SESN1: variants seen among roughly 807,000 people sequenced by gnomAD.
The protein encoded by SESN1 is sestrin 1, also known as sestrin-1.
Under a neutral mutation model 59.3 loss-of-function variants are expected in SESN1, and 30 were observed. That is an observed-to-expected ratio of 0.51 (90% CI 0.38 to 0.69). The LOEUF (loss-of-function observed/expected upper bound fraction) is 0.69, where lower values mean the gene tolerates loss of function less well. SESN1 is among the 30% of genes least tolerant of loss of function. The probability of loss-of-function intolerance (pLI) is 0.00; values close to 1 mark genes in which losing one functional copy is unlikely to be tolerated. For missense variants in SESN1, 566 were observed against 673.0 expected (o/e 0.84, Z 1.76); for synonymous variants, 197 against 219.9 (o/e 0.90, Z 0.92).
intron 1 of SESN1, among the ~76,000 whole-genome samples, chr6:109,066,949 CCAT>C (rs1780838315): frequency 6.6e-6 from 1 of 152,202 alleles, no homozygotes; most frequent in African/African-American, 2.4e-5. Context: ...CAAAAAGCCA[CCAT>C]CATCTTATTA....
chr6:108,990,901 T>C (rs1465841505), intron 7 of SESN1, 66 bp from the exon 8 acceptor site: 3 of 1,344,930 alleles, frequency 2.2e-6, no homozygotes, highest in African/African-American at 1.5e-5. Flanking sequence ...TCTATAGCTC[T>C]GTAGCATGGT....
At chr6:109,077,688 C>T (rs1017035778) in intron 1 of SESN1, among the ~76,000 whole-genome samples, 3 of 152,170 alleles carry the variant, frequency 2.0e-5, no homozygotes, top group African/African-American at 7.2e-5. Context: ...TACTTCTTCT[C>T]AATGAGAATG....
intron 6 of SESN1, among the ~76,000 whole-genome samples, chr6:108,993,741 AT>A (rs1262463182): frequency 6.6e-6 from 1 of 151,974 alleles, no homozygotes; most frequent in Non-Finnish European, 1.5e-5. Flanking sequence ...AAATCATATA[AT>A]TTTTGTTGTT....
At chr6:109,080,805 C>T (rs1029837818) in intron 1 of SESN1, among the ~76,000 whole-genome samples, 1 of 152,120 alleles carries the variant, frequency 6.6e-6, no homozygotes, top group Non-Finnish European at 1.5e-5. Context: ...AATCCCAAAT[C>T]CCAAATGCTC....
intron 1 of SESN1, among the ~76,000 whole-genome samples, chr6:109,007,493 C>G (rs1166963765): frequency 3.3e-5 from 5 of 152,140 alleles, no homozygotes; most frequent in African/African-American, 9.7e-5. Flanking sequence ...ATTATCACAA[C>G]ATTCACAGTA....
chr6:109,078,844 G>GA (rs1243442896), intron 1 of SESN1, among the ~76,000 whole-genome samples: 3 of 151,220 alleles, frequency 2.0e-5, no homozygotes, highest in South Asian at 4.2e-4. Flanking sequence ...TGGGATTCAG[G>GA]AAAAAAAATA....
chr6:109,025,455 AG>A lies in SESN1; in HGVS notation c.280-23113del, dbSNP rs542756625. 6.7e-4 allele frequency among the ~76,000 whole-genome samples: 102 copies of A among 151,526 alleles called. 1 individual carries two copies. Among genetic ancestry groups the A allele is most frequent in the Non-Finnish European group, 1.2e-3 (84 of 67,972 alleles). ...CAATAATAAAAAGTACTATGCAAAA[AG>A]ATGCCATTAGTGAGGACTACAGGAA... On this transcript the variant is annotated intron_variant, in intron 1 of 9. Transcript: ENST00000436639.
intron 8 of SESN1, 69 bp downstream of exon 8, chr6:108,990,576 C>T (rs1016344102): frequency 1.9e-5 from 26 of 1,373,458 alleles, no homozygotes; most frequent in African/African-American, 1.2e-4. Context: ...TGTGCATGTG[C>T]GCTCCAAGCA....
At chr6:109,012,483 G>GCCTTATTTTT (rs1779875519) in intron 1 of SESN1, among the ~76,000 whole-genome samples, 1 of 152,146 alleles carries the variant, frequency 6.6e-6, no homozygotes, top group Non-Finnish European at 1.5e-5. Flanking sequence ...TGAAGAGCAA[G>GCCTTATTTTT]CTGATAATCT....
At chr6:108,990,860 G>A (rs1583257939) in intron 7 of SESN1, 25 bp from the exon 8 acceptor site, 1 of 1,588,054 alleles carries the variant, frequency 6.3e-7, no homozygotes, top group East Asian at 2.2e-5. Flanking sequence ...TAGAACAAAT[G>A]TGAATAAATG....
intron 5 of SESN1, among the ~76,000 whole-genome samples, chr6:108,996,265 A>G (rs1045567415): frequency 2.6e-5 from 4 of 152,230 alleles, no homozygotes; most frequent in Non-Finnish European, 5.9e-5. Context: ...AAACAGTTAT[A>G]CTGAAATGCC....
intron 1 of SESN1, among the ~76,000 whole-genome samples, chr6:109,023,412 T>C (rs1016481356): frequency 6.6e-6 from 1 of 152,224 alleles, no homozygotes. Context: ...CAGTTTACCA[T>C]GCTAACAGTG....
chr6:109,073,497 C>T (rs112208770), intron 1 of SESN1, among the ~76,000 whole-genome samples: 6 of 152,278 alleles, frequency 3.9e-5, no homozygotes, highest in African/African-American at 1.4e-4. Context: ...AACCCGTCTT[C>T]TCCTAAGACC....
chr6:109,034,782 A>T (rs990886900), intron 1 of SESN1, among the ~76,000 whole-genome samples: 1 of 152,208 alleles, frequency 6.6e-6, no homozygotes, highest in Non-Finnish European at 1.5e-5. Context: ...CCAGAGCTGG[A>T]GCTGTCTTAG....
intron 1 of SESN1, among the ~76,000 whole-genome samples, chr6:109,032,210 T>C (rs12213664): frequency 0.1 from 15,120 of 151,920 alleles, 914 homozygotes; most frequent in Middle Eastern, 0.21. Context: ...AGGCGGAGGT[T>C]GCGGTGAGCT....
intron 9 of SESN1, 133 bp from the exon 10 acceptor site, chr6:108,987,763 G>A (rs1001754874): frequency 2.1e-6 from 1 of 467,428 alleles, no homozygotes; most frequent in Admixed American, 3.9e-5. Flanking sequence ...ACTTAGCCTT[G>A]GGTTTGTTGA....
chr6:109,061,046 G>T (rs1001163988), intron 1 of SESN1, among the ~76,000 whole-genome samples: 10 of 152,096 alleles, frequency 6.6e-5, no homozygotes, highest in Non-Finnish European at 1.5e-4. Context: ...ACTCAGAAAG[G>T]TAACAATTTC....
chr6:109,058,508 A>T (rs1458377436), intron 1 of SESN1, among the ~76,000 whole-genome samples: 1 of 152,192 alleles, frequency 6.6e-6, no homozygotes, highest in African/African-American at 2.4e-5. Flanking sequence ...ATTTCTCAGA[A>T]CATATGTCCA....
chr6:108,987,242 C>T lies in SESN1; in HGVS notation c.*302G>A. 3.9e-6 allele frequency: 1 copy of T among 257,788 alleles called. No homozygotes were observed. Among genetic ancestry groups the T allele is most frequent in the Non-Finnish European group, 7.3e-6 (1 of 137,048 alleles). 16.0% of individuals were successfully genotyped at this position (257,788 alleles called of 1,614,324 possible). ...CTTGTTATCTTATTTAACATAAAAG[C>T]AACAGGATTTGGAGAGTTACTATTT... On this transcript the variant is annotated 3_prime_UTR_variant, in exon 10 of 10. Coordinates refer to ENST00000436639, the MANE Select transcript of SESN1 (RefSeq NM_014454.3).
Sources: allele counts gnomAD v4.1 joint callset (sites outside exome capture counted in the v4.1 genomes callset), GRCh38; gene constraint gnomAD v4.1.1; transcripts MANE v1.5; gene names NCBI Gene and HGNC (gene_info 2026-07-23, HGNC 2026-07-21).